Variants in CTNND2 observed in about 807,000 individuals in gnomAD.
CTNND2 encodes catenin delta-2.
In CTNND2, 22 loss-of-function variants were observed where a neutral mutation model predicts 144.4. The ratio of observed to expected loss-of-function variants is 0.15; its 90% CI spans 0.11 to 0.22. The LOEUF is 0.22. CTNND2 is among the 10% of genes least tolerant of loss of function. CTNND2 has a pLI of 1.00. For missense variants in CTNND2, 1,353 were observed against 1,618.8 expected (o/e 0.84, Z 2.82); for synonymous variants, 751 against 695.6 (o/e 1.08, Z -1.25).
At chr5:11,203,320 G>A (rs1022033491) in intron 10 of CTNND2, among the ~76,000 whole-genome samples, 4 of 152,056 alleles carry the variant, frequency 2.6e-5, no homozygotes, top group Admixed American at 1.3e-4. Context: ...CCCCCTAGTC[G>A]ATCACTCCAC....
chr5:11,791,190 T>A (rs1458101048), intron 1 of CTNND2, among the ~76,000 whole-genome samples: 1 of 152,220 alleles, frequency 6.6e-6, no homozygotes, highest in African/African-American at 2.4e-5. Context: ...CACTCTGATT[T>A]CAGATTTCTA....
chr5:11,247,915 A>T (rs182910663), intron 9 of CTNND2, among the ~76,000 whole-genome samples: 9 of 152,336 alleles, frequency 5.9e-5, no homozygotes, highest in Admixed American at 4.6e-4. Flanking sequence ...CAATAAAAAT[A>T]TGCTACAAAA....
intron 5 of CTNND2, among the ~76,000 whole-genome samples, chr5:11,408,922 A>AT (rs1761302873): frequency 6.6e-6 from 1 of 151,896 alleles, no homozygotes; most frequent in South Asian, 2.1e-4. Context: ...ATCTTTGACT[A>AT]TTTTACTTTA....
rs531907071 is a variant in CTNND2 at position 11,903,765 on chromosome 5, G to A, written c.37+52C>T. ...CCACCAGCGGCAAGAGGAGGAGGACGGCGCCGGGAGGAGGCTGCGCCCGGC... is the reference window on the plus strand; with the variant it reads ...CCACCAGCGGCAAGAGGAGGAGGACAGCGCCGGGAGGAGGCTGCGCCCGGC... On this transcript the variant is annotated intron_variant, in intron 1 of 21. Coordinates refer to ENST00000304623, the MANE Select transcript of CTNND2 (RefSeq NM_001332.4). The surrounding 1 kb of genome is among the most constrained non-coding windows in gnomAD (Gnocchi z 5.4). 4 of 1,461,044 alleles carry A rather than the reference G, an allele frequency of 2.7e-6. No homozygotes were observed. In the African/African-American group the frequency reaches 4.4e-5, roughly 16 times the overall value. 90.5% of individuals were successfully genotyped at this position (1,461,044 alleles called of 1,614,324 possible).
intron 1 of CTNND2, among the ~76,000 whole-genome samples, chr5:11,815,135 G>A (rs1792555371): frequency 6.6e-6 from 1 of 152,008 alleles, no homozygotes; most frequent in African/African-American, 2.4e-5. Flanking sequence ...ATATCACTAA[G>A]AGGTAATATA....
chr5:11,464,815 A>G (rs1330272231), intron 3 of CTNND2, among the ~76,000 whole-genome samples: 1 of 152,194 alleles, frequency 6.6e-6, no homozygotes, highest in East Asian at 1.9e-4. Context: ...AAAGGAGTTA[A>G]GCTTGGCTCC....
At chr5:11,634,897 C>T (rs947947013) in intron 2 of CTNND2, among the ~76,000 whole-genome samples, 1 of 151,664 alleles carries the variant, frequency 6.6e-6, no homozygotes, top group African/African-American at 2.4e-5. Context: ...GAAAATAGTC[C>T]ATTATTTTTG....
intron 5 of CTNND2, among the ~76,000 whole-genome samples, chr5:11,403,888 T>C (rs1760847892): frequency 6.6e-6 from 1 of 152,212 alleles, no homozygotes; most frequent in African/African-American, 2.4e-5. Flanking sequence ...TTGATCTGCA[T>C]GGCTTGCTGG....
In CTNND2 at chr5:11,156,992, G is replaced by T. The variant is rs1291459625; in HGVS notation, c.2159+2584C>A. ...TGTTTTAAGCACAGATCTGTTAGCA[G>T]TCTCCTATCCCATAACTTTGAATTT... On this transcript the variant is annotated intron_variant, in intron 12 of 21. Coordinates refer to ENST00000304623, the MANE Select transcript of CTNND2 (RefSeq NM_001332.4). Among the ~76,000 whole-genome samples the T allele has an allele frequency of 2.0e-5, 3 of 152,164 alleles. No individual in the cohort carries two copies. In the East Asian group the frequency reaches 5.8e-4, roughly 29 times the overall value.
chr5:11,167,093 C>G (rs1759410072), intron 11 of CTNND2, among the ~76,000 whole-genome samples: 1 of 152,114 alleles, frequency 6.6e-6, no homozygotes, highest in Non-Finnish European at 1.5e-5. Context: ...GGGGATTACA[C>G]AAAGGTCGAT....
chr5:11,370,574 A>AT (rs1291519944), intron 7 of CTNND2, among the ~76,000 whole-genome samples: 2 of 152,204 alleles, frequency 1.3e-5, no homozygotes, highest in Non-Finnish European at 2.9e-5. Context: ...TCCATGCTGG[A>AT]TTTTTTAAAT....
intron 3 of CTNND2, among the ~76,000 whole-genome samples, chr5:11,452,972 G>A (rs1430317417): frequency 6.6e-6 from 1 of 152,116 alleles, no homozygotes; most frequent in Non-Finnish European, 1.5e-5. Context: ...TGGCTACAGC[G>A]ATGAGTTCCT....
At chr5:11,000,448 A>C (rs996180984) in intron 18 of CTNND2, among the ~76,000 whole-genome samples, 1 of 152,094 alleles carries the variant, frequency 6.6e-6, no homozygotes, top group Non-Finnish European at 1.5e-5. Context: ...TTGAAACCGT[A>C]AGGCAGAGGT....
At position 11,023,934 on chromosome 5, in the gene CTNND2, C is replaced by T. The variant is rs949615933; in HGVS notation, c.2789-955G>A. Among the ~76,000 whole-genome samples the T allele has an allele frequency of 2.6e-4, 40 of 152,206 alleles. 1 individual carries two copies. The highest frequency in any genetic ancestry group is 4.4e-5 in the Non-Finnish European group (3 of 68,032). ...GAAGTAAGTAAATGAGTGCCTGTAG[C>T]AAAGCTGGCTGTTCTCACATTTTTC... On this transcript the variant is annotated intron_variant, in intron 16 of 21. Coordinates refer to ENST00000304623, the MANE Select transcript of CTNND2 (RefSeq NM_001332.4).
chr5:11,524,749 G>A (rs1051713521), intron 3 of CTNND2, among the ~76,000 whole-genome samples: 25 of 152,056 alleles, frequency 1.6e-4, no homozygotes, highest in East Asian at 1.9e-4. Flanking sequence ...CAGTTCCAAC[G>A]TTTACTGGTG....
At chr5:11,256,891 C>T (rs1744308474) in intron 9 of CTNND2, among the ~76,000 whole-genome samples, 2 of 151,318 alleles carry the variant, frequency 1.3e-5, no homozygotes, top group South Asian at 2.1e-4. Flanking sequence ...TGCCTTATAA[C>T]ATATTTATGC....
intron 3 of CTNND2, among the ~76,000 whole-genome samples, chr5:11,421,091 G>A (rs778418173): frequency 6.6e-6 from 1 of 152,014 alleles, no homozygotes; most frequent in Non-Finnish European, 1.5e-5. Flanking sequence ...ATAGCAGCTC[G>A]TCTGACCTCT....
chr5:11,536,097 T>G (rs1016839079), intron 3 of CTNND2, among the ~76,000 whole-genome samples: 8 of 152,214 alleles, frequency 5.3e-5, no homozygotes, highest in Admixed American at 5.2e-4. Flanking sequence ...AAATTCTCAC[T>G]CTGTCACCCA....
intron 1 of CTNND2, among the ~76,000 whole-genome samples, chr5:11,881,681 T>G (rs1051441600): frequency 6.6e-6 from 1 of 152,080 alleles, no homozygotes; most frequent in Admixed American, 6.6e-5. Context: ...TTGTTTATTG[T>G]GAATAGTGCT....
Sources: gnomAD v4.1 joint callset for allele counts (sites outside exome capture counted in the v4.1 genomes callset) on GRCh38, gnomAD v4.1.1 for gene constraint, Gnocchi (gnomAD v3.1) non-coding constraint, MANE v1.5 for transcripts, NCBI Gene and HGNC (gene_info 2026-07-23, HGNC 2026-07-21) for gene names.